Variants in SBF2 observed in about 807,000 individuals in gnomAD.
SBF2 encodes myotubularin-related protein 13.
SBF2 carries 112 observed loss-of-function variants against 225.2 expected under a neutral mutation model. That is an observed-to-expected ratio of 0.50 (90% CI 0.43 to 0.58). The LOEUF (loss-of-function observed/expected upper bound fraction) is 0.58, where lower values mean the gene tolerates loss of function less well. SBF2 is among the 20% of genes least tolerant of loss of function. SBF2 has a pLI of 0.00. For missense variants in SBF2, 1,996 were observed against 2,206.2 expected, an observed-to-expected ratio of 0.90 and a Z score of 1.91; for synonymous variants, 763 against 773.3, an observed-to-expected ratio of 0.99 and a Z score of 0.22.
chr11:10,139,475 T>G (rs2135130031), intron 2 of SBF2, among the ~76,000 whole-genome samples: 1 of 152,318 alleles, frequency 6.6e-6, no homozygotes, highest in South Asian at 2.1e-4. Flanking sequence ...CACCAGAACA[T>G]AATACAGGCC....
intron 2 of SBF2, among the ~76,000 whole-genome samples, chr11:10,086,626 T>C (rs964534461): frequency 2.0e-5 from 3 of 152,210 alleles, no homozygotes; most frequent in Admixed American, 2.0e-4. Context: ...CTGGGCACTT[T>C]TGTATTTCAA....
chr11:9,832,140 C>T (rs955013264), intron 27 of SBF2, 84 bp downstream of exon 27: 2 of 1,207,576 alleles, frequency 1.7e-6, no homozygotes, highest in African/African-American at 3.0e-5. Context: ...GATGAAAAGG[C>T]ACCATTCCCA....
intron 32 of SBF2, among the ~76,000 whole-genome samples, chr11:9,797,493 T>C (rs543981101): frequency 1.7e-4 from 26 of 152,260 alleles, no homozygotes; most frequent in Non-Finnish European, 3.4e-4. Context: ...GCCTTCCTGT[T>C]GCATCAGATC....
intron 17 of SBF2, among the ~76,000 whole-genome samples, chr11:9,862,399 G>A (rs1414289961): frequency 3.9e-5 from 6 of 152,106 alleles, no homozygotes; most frequent in Admixed American, 3.9e-4. Flanking sequence ...AGTCAGCTTG[G>A]GCTAGAAAGT....
rs188864992 is a variant in SBF2, at chr11:10,182,929, C to T, written c.141+10973G>A. Among the ~76,000 whole-genome samples the T allele has an allele frequency of 4.8e-3, 728 of 152,068 alleles. 2 individuals carry two copies. Among genetic ancestry groups the T allele is most frequent in the Admixed American group, 9.3e-3 (142 of 15,268 alleles). Reference sequence around the variant, plus strand: ...GCTGGGACTATAGCACGCGCCACCACGCCCAGCTAATTTTTGTATTTTTAG... The same window carrying T: ...GCTGGGACTATAGCACGCGCCACCATGCCCAGCTAATTTTTGTATTTTTAG... On this transcript the variant is annotated intron_variant, in intron 2 of 39. Coordinates refer to ENST00000256190, the MANE Select transcript of SBF2 (RefSeq NM_030962.4).
intron 6 of SBF2, among the ~76,000 whole-genome samples, chr11:10,005,767 C>T (rs768526645): frequency 6.6e-6 from 1 of 152,150 alleles, no homozygotes; most frequent in Non-Finnish European, 1.5e-5. Flanking sequence ...ATCTCTATGC[C>T]TCAACTTCTT....
chr11:10,121,570 A>G (rs1388363371), intron 2 of SBF2, among the ~76,000 whole-genome samples: 1 of 152,180 alleles, frequency 6.6e-6, no homozygotes, highest in Non-Finnish European at 1.5e-5. Context: ...CTCGAAACCA[A>G]TTTTACATAT....
At chr11:10,289,925 C>T (rs1036275511) in intron 1 of SBF2, among the ~76,000 whole-genome samples, 17 of 152,100 alleles carry the variant, frequency 1.1e-4, no homozygotes, top group African/African-American at 3.9e-4. Flanking sequence ...GGCACAAGGG[C>T]GGGGGCAGTA....
chr11:9,906,059 T>C (rs1025384425), intron 16 of SBF2, among the ~76,000 whole-genome samples: 6 of 152,186 alleles, frequency 3.9e-5, no homozygotes, highest in African/African-American at 1.4e-4. Context: ...CAGCAAAAAG[T>C]ATGAATCATC....
At chr11:9,893,142 A>G (rs1017933104) in intron 17 of SBF2, among the ~76,000 whole-genome samples, 1 of 152,226 alleles carries the variant, frequency 6.6e-6, no homozygotes, top group African/African-American at 2.4e-5. Flanking sequence ...CTCTGAAGCA[A>G]TGCTGGCAAG....
intron 17 of SBF2, among the ~76,000 whole-genome samples, chr11:9,877,513 A>T (rs1364928940): frequency 1.3e-5 from 2 of 152,290 alleles, no homozygotes; most frequent in Non-Finnish European, 2.9e-5. Flanking sequence ...CGTCATTTAC[A>T]TCAGGTATTT....
At chr11:10,226,935 C>A (rs1190630068) in intron 1 of SBF2, among the ~76,000 whole-genome samples, 1 of 152,120 alleles carries the variant, frequency 6.6e-6, no homozygotes, top group Admixed American at 6.5e-5. Flanking sequence ...GTTTACAGTC[C>A]CACCAACAGT....
chr11:9,808,780 A>G, intron 31 of SBF2, 121 bp downstream of exon 31: 1 of 763,706 alleles, frequency 1.3e-6, no homozygotes. Context: ...GCTGTTTAAC[A>G]CAGGACTTTC....
chr11:9,831,287 T>C (rs937995442), intron 27 of SBF2, among the ~76,000 whole-genome samples: 15 of 152,206 alleles, frequency 9.9e-5, no homozygotes, highest in African/African-American at 2.9e-4. Flanking sequence ...GCATGAGCCA[T>C]TGCACCTGGC....
At chr11:9,963,928 G>T in intron 14 of SBF2, 46 bp from the exon 15 acceptor site, 2 of 1,138,496 alleles carry the variant, frequency 1.8e-6, no homozygotes, top group South Asian at 1.3e-5. Flanking sequence ...AAACTTCTTT[G>T]GTAATTACAA....
At chr11:9,868,987 T>A (rs1363228159) in intron 17 of SBF2, among the ~76,000 whole-genome samples, 1 of 152,240 alleles carries the variant, frequency 6.6e-6, no homozygotes, top group African/African-American at 2.4e-5. Flanking sequence ...AATTGTGATA[T>A]TCTAATTCTA....
intron 1 of SBF2, among the ~76,000 whole-genome samples, chr11:10,224,563 C>A (rs1227621235): frequency 6.6e-6 from 1 of 152,146 alleles, no homozygotes; most frequent in Non-Finnish European, 1.5e-5. Context: ...TATATTCCAG[C>A]CACAGAAGCA....
chr11:10,012,109 C>T (rs969073021), intron 6 of SBF2, among the ~76,000 whole-genome samples: 4 of 152,114 alleles, frequency 2.6e-5, no homozygotes, highest in African/African-American at 7.2e-5. Context: ...TTTCTGACAT[C>T]TCAAATGTGC....
chr11:9,899,348 A>AC (rs1186443967), intron 16 of SBF2, among the ~76,000 whole-genome samples: 3 of 150,774 alleles, frequency 2.0e-5, no homozygotes, highest in Non-Finnish European at 4.4e-5. Flanking sequence ...TAAAAAAAAA[A>AC]AAAAAACTGG....
Sources: allele counts gnomAD v4.1 joint callset (sites outside exome capture counted in the v4.1 genomes callset), GRCh38; gene constraint gnomAD v4.1.1; transcripts MANE v1.5; gene names NCBI Gene and HGNC (gene_info 2026-07-23, HGNC 2026-07-21).